The following CAST variants were observed in gnomAD, a reference collection of about 807,000 sequenced individuals.
The protein encoded by CAST is MIR583 host.
CAST carries 76 observed loss-of-function variants against 119.6 expected under a neutral mutation model. That is an observed-to-expected ratio of 0.64 (90% CI 0.53 to 0.77). The LOEUF is 0.77. Among genes scored for constraint, CAST ranks in the 30% least tolerant of loss-of-function variants. The probability of loss-of-function intolerance (pLI) is 0.00; values close to 1 mark genes in which losing one functional copy is unlikely to be tolerated. For synonymous variants in CAST, 319 were observed against 331.6 expected (o/e 0.96, Z 0.41); for missense variants, 953 against 946.5 (o/e 1.01, Z -0.09).
the CAST span, among the ~76,000 whole-genome samples, chr5:96,215,999 G>GT: frequency 1.3e-5 from 2 of 152,028 alleles, no homozygotes; most frequent in African/African-American, 4.8e-5. Context: ...GTAGAGATGG[G>GT]TTTTTTCCAT....
the CAST span, chr5:96,248,157 T>A: frequency 6.6e-6 from 1 of 152,274 alleles, no homozygotes; most frequent in Non-Finnish European, 1.5e-5. Context: ...CCCCTTTAGT[T>A]ATTTCTACAA....
At chr5:96,283,137 A>AAAAAAAAAAAAAAAG in the CAST span, among the ~76,000 whole-genome samples, 2 of 132,984 alleles carry the variant, frequency 1.5e-5, no homozygotes, top group East Asian at 2.2e-4. Context: ...CTCAAAAAAA[A>AAAAAAAAAAAAAAAG]AAAAAAAAGA....
chr5:96,765,029 T>G (rs992979060), intron 25 of CAST, among the ~76,000 whole-genome samples, 192 bp from the exon 26 acceptor site: 10 of 149,588 alleles, frequency 6.7e-5, no homozygotes, highest in Non-Finnish European at 8.9e-5. Context: ...TGACAGATAC[T>G]GCCGCTCTTC....
At chr5:96,569,282 CA>C (rs1212511765) in intron 1 of CAST, among the ~76,000 whole-genome samples, 1 of 152,168 alleles carries the variant, frequency 6.6e-6, no homozygotes, top group Non-Finnish European at 1.5e-5. Flanking sequence ...GTGTGACAAT[CA>C]AAAAGTATCA....
At chr5:96,275,979 T>G in the CAST span, among the ~76,000 whole-genome samples, 1 of 152,236 alleles carries the variant, frequency 6.6e-6, no homozygotes, top group Admixed American at 6.5e-5. Flanking sequence ...AAGCTATTAT[T>G]TAAAATACAA....
At chr5:96,083,918 C>T in the CAST span, among the ~76,000 whole-genome samples, 1 of 152,186 alleles carries the variant, frequency 6.6e-6, no homozygotes, top group Non-Finnish European at 1.5e-5. Flanking sequence ...CATTTGAATC[C>T]TGATTCTGCT....
chr5:96,068,503 C>T, the CAST span, among the ~76,000 whole-genome samples: 16 of 151,758 alleles, frequency 1.1e-4, no homozygotes, highest in African/African-American at 2.9e-4. Context: ...GGAGCAGTTA[C>T]TAAACATCTG....
At chr5:96,348,505 A>G in the CAST span, among the ~76,000 whole-genome samples, 1 of 152,106 alleles carries the variant, frequency 6.6e-6, no homozygotes, top group Admixed American at 6.6e-5. Context: ...ATGGTAAGGG[A>G]CAATCTCCAT....
Position 96,773,446 on chromosome 5 carries a change from T to G in CAST, c.*830T>G, listed in dbSNP as rs939771170. ...ACTTGAACTCTGTTGGTTTACTGTG[T>G]TAGTAAACTGTGCTTTCTATTATCT... is the stretch of plus-strand genomic sequence containing the variant. On this transcript the variant is annotated 3_prime_UTR_variant, in exon 32 of 32. Transcript: ENST00000675179. 2 of 152,396 alleles carry G rather than the reference T, an allele frequency of 1.3e-5. No individual in the cohort carries two copies. The highest frequency in any genetic ancestry group is 4.8e-5 in the African/African-American group (2 of 41,450). The allele number at this position is 152,396 out of a possible 1,614,324, so 9.4% of individuals were successfully genotyped here. A position where few individuals can be genotyped will look rare whatever the true frequency, so the allele number is the denominator to read the frequency against.
the CAST span, among the ~76,000 whole-genome samples, chr5:96,148,219 T>C: frequency 6.6e-6 from 1 of 152,328 alleles, no homozygotes; most frequent in East Asian, 1.9e-4. Context: ...GAGGCAAATT[T>C]CCATTTTAAT....
chr5:96,729,750 A>G, intron 8 of CAST, 25 bp downstream of exon 8: 1 of 954,578 alleles, frequency 1.0e-6, no homozygotes, highest in South Asian at 1.3e-5. Context: ...TTGATAGGAA[A>G]ACCTTAACAT....
the CAST span, among the ~76,000 whole-genome samples, chr5:96,047,412 A>G: frequency 3.3e-5 from 5 of 152,212 alleles, no homozygotes; most frequent in African/African-American, 4.8e-5. Context: ...CAAAGTTTCT[A>G]TAAGAACTCA....
At chr5:96,571,063 C>G (rs1746558357) in intron 1 of CAST, among the ~76,000 whole-genome samples, 1 of 152,186 alleles carries the variant, frequency 6.6e-6, no homozygotes, top group African/African-American at 2.4e-5. Flanking sequence ...ATTCTGGTGA[C>G]TGTTGGAGTT....
chr5:96,767,077 T>G (rs989911890), intron 27 of CAST, among the ~76,000 whole-genome samples: 2 of 152,258 alleles, frequency 1.3e-5, no homozygotes, highest in Non-Finnish European at 2.9e-5. Context: ...CCCTGATGAC[T>G]TTCTAAGTGT....
chr5:96,344,457 C>A, the CAST span, among the ~76,000 whole-genome samples: 1 of 152,062 alleles, frequency 6.6e-6, no homozygotes, highest in Non-Finnish European at 1.5e-5. Flanking sequence ...GTGTGAGAAG[C>A]AAATTCACAC....
chr5:96,519,306 AGAAAACAGG>A, the CAST span, among the ~76,000 whole-genome samples: 1 of 152,234 alleles, frequency 6.6e-6, no homozygotes, highest in Non-Finnish European at 1.5e-5. Flanking sequence ...ATATTAAATT[AGAAAACAGG>A]TATAGAGGCT....
At chr5:96,770,408 A>C (rs1771852262) in intron 29 of CAST, 123 bp from the exon 30 acceptor site, 5 of 633,914 alleles carry the variant, frequency 7.9e-6, no homozygotes, top group Non-Finnish European at 1.4e-5. Flanking sequence ...AAACACCCAA[A>C]GTCTTCCATT....
At chr5:96,576,165 G>C (rs56327342) in intron 1 of CAST, among the ~76,000 whole-genome samples, 18 of 152,202 alleles carry the variant, frequency 1.2e-4, no homozygotes, top group Non-Finnish European at 2.6e-4. Flanking sequence ...ATATTGTTCT[G>C]TTGTTTTCTT....
chr5:96,023,727 T>C, the CAST span, among the ~76,000 whole-genome samples: 3 of 151,898 alleles, frequency 2.0e-5, no homozygotes, highest in African/African-American at 7.3e-5. Flanking sequence ...TTTAAGGACA[T>C]AGCAATGTTA....
Sources: allele counts gnomAD v4.1 joint callset (sites outside exome capture counted in the v4.1 genomes callset), GRCh38; gene constraint gnomAD v4.1.1; transcripts MANE v1.5; gene names NCBI Gene and HGNC (gene_info 2026-07-23, HGNC 2026-07-21).